Variants in PPM1L observed in about 807,000 individuals in gnomAD.
The protein encoded by PPM1L is protein phosphatase 1L.
In PPM1L, 13 loss-of-function variants were observed where a neutral mutation model predicts 31.4. The ratio of observed to expected loss-of-function variants is 0.41; its 90% CI spans 0.27 to 0.66. The LOEUF is 0.66. Among genes scored for constraint, PPM1L ranks in the 30% least tolerant of loss-of-function variants. The pLI is 0.29. For synonymous variants in PPM1L, 184 were observed against 175.4 expected (o/e 1.05, Z -0.39); for missense variants, 326 against 453.7 (o/e 0.72, Z 2.56).
At chr3:160,962,439 CAT>C (rs1442859684) in intron 2 of PPM1L, among the ~76,000 whole-genome samples, 1 of 152,092 alleles carries the variant, frequency 6.6e-6, no homozygotes, top group Admixed American at 6.5e-5. Context: ...CTCCTTATAA[CAT>C]TATTTTAATC....
chr3:160,843,371 C>T (rs895396300), intron 1 of PPM1L, among the ~76,000 whole-genome samples: 21 of 134,020 alleles, frequency 1.6e-4, no homozygotes, highest in African/African-American at 4.4e-4. Flanking sequence ...AACAAAAATT[C>T]GTAAACTTTC....
At chr3:160,843,788 C>A (rs985708283) in intron 1 of PPM1L, among the ~76,000 whole-genome samples, 1 of 151,896 alleles carries the variant, frequency 6.6e-6, no homozygotes, top group Non-Finnish European at 1.5e-5. Flanking sequence ...TGGGTATATA[C>A]CCAAAGGATT....
chr3:161,001,221 A>C (rs1484686238), intron 2 of PPM1L, among the ~76,000 whole-genome samples: 1 of 152,188 alleles, frequency 6.6e-6, no homozygotes, highest in African/African-American at 2.4e-5. Flanking sequence ...AAAACAAAAA[A>C]CAAAAACAAC....
chr3:160,774,114 C>G (rs1040007240), intron 1 of PPM1L, among the ~76,000 whole-genome samples: 2 of 152,166 alleles, frequency 1.3e-5, no homozygotes, highest in Admixed American at 6.5e-5. Flanking sequence ...AACAACCTGC[C>G]TGAAACCAAA....
rs561265559 is a variant in PPM1L at position 160,972,514 on chromosome 3, A to G, written c.574+10604A>G. On this transcript the variant is annotated intron_variant, in intron 2 of 3. Transcript: ENST00000498165. ...GGTTTCCAGCTTCATCCATGTCCCT[A>G]CAAAGGACATGAACTCATCATTTTT... Among the ~76,000 whole-genome samples, 202 of 152,168 alleles carry G rather than the reference A, an allele frequency of 1.3e-3. 3 individuals are homozygous for G. Among genetic ancestry groups the G allele is most frequent in the Non-Finnish European group, 1.6e-4 (11 of 68,008 alleles).
In PPM1L at chr3:160,918,792, C is replaced by A. The variant is rs116015478; in HGVS notation, c.400-42944C>A. 4.6e-3 allele frequency among the ~76,000 whole-genome samples: 693 copies of A among 152,000 alleles called. 3 individuals carry two copies. Among genetic ancestry groups the A allele is most frequent in the African/African-American group, 0.016 (663 of 41,448 alleles). On this transcript the variant is annotated intron_variant, in intron 1 of 3. Coordinates refer to ENST00000498165, the MANE Select transcript of PPM1L (RefSeq NM_139245.4). ...ATGGATCTAGTAACTAATAAAATACCCTTGCCTGGAATAATTTAAATCCAG... is the reference window on the plus strand; with the variant it reads ...ATGGATCTAGTAACTAATAAAATACACTTGCCTGGAATAATTTAAATCCAG...
In PPM1L at chr3:161,031,502, C is replaced by CTTTTTTTTTTTTTTTTTTTTTTT. The variant is rs760907219; in HGVS notation, c.575-33885_575-33884insTTTTTTTTTTTTTTTTTTTTTTT. Among the ~76,000 whole-genome samples the CTTTTTTTTTTTTTTTTTTTTTTT allele has an allele frequency of 1.1e-4, 11 of 101,666 alleles. 3 individuals are homozygous for CTTTTTTTTTTTTTTTTTTTTTTT. The highest frequency in any genetic ancestry group is 2.3e-4 in the Admixed American group (2 of 8,678). The allele number at this position is 101,666 out of a possible 152,430, so 66.7% of individuals were successfully genotyped here. A position where few individuals can be genotyped will look rare whatever the true frequency, so the allele number is the denominator to read the frequency against. On this transcript the variant is annotated intron_variant, in intron 2 of 3. Transcript: ENST00000498165. ...GTGAATGGCAGCTATGTATTCTGTC[C>CTTTTTTTTTTTTTTTTTTTTTTT]TTTTTTTTTTTTTTTTGAGAGAGAG...
intron 1 of PPM1L, among the ~76,000 whole-genome samples, chr3:160,758,217 AAATT>A (rs1343424267): frequency 6.6e-6 from 1 of 152,172 alleles, no homozygotes; most frequent in Non-Finnish European, 1.5e-5. Flanking sequence ...GAAAGATATA[AAATT>A]AATTGAGGGA....
intron 1 of PPM1L, among the ~76,000 whole-genome samples, chr3:160,866,987 A>T (rs1260271637): frequency 6.6e-6 from 1 of 152,150 alleles, no homozygotes; most frequent in South Asian, 2.1e-4. Flanking sequence ...GACCATAGGC[A>T]TGTGCCACCA....
intron 1 of PPM1L, among the ~76,000 whole-genome samples, chr3:160,813,813 C>G (rs940761877): frequency 6.6e-6 from 1 of 152,072 alleles, no homozygotes; most frequent in Non-Finnish European, 1.5e-5. Context: ...CTCTGATAAC[C>G]CTTGCCTCAG....
chr3:160,908,665 A>G (rs1447971920), intron 1 of PPM1L, among the ~76,000 whole-genome samples: 1 of 152,230 alleles, frequency 6.6e-6, no homozygotes, highest in Non-Finnish European at 1.5e-5. Context: ...GTGTAGGCGT[A>G]TGGTGATTAC....
intron 2 of PPM1L, among the ~76,000 whole-genome samples, chr3:161,024,264 C>CAAA (rs34662106): frequency 3.2e-5 from 3 of 92,514 alleles, no homozygotes; most frequent in Non-Finnish European, 4.7e-5. Context: ...GACTCCGTCT[C>CAAA]AAAAAAAAAA....
chr3:160,998,011 A>G (rs1717378783), intron 2 of PPM1L, among the ~76,000 whole-genome samples: 1 of 152,196 alleles, frequency 6.6e-6, no homozygotes, highest in South Asian at 2.1e-4. Context: ...TCAGAAGAGC[A>G]TATCACAGAA....
At chr3:160,988,462 CCA>C (rs887301770) in intron 2 of PPM1L, among the ~76,000 whole-genome samples, 2 of 152,070 alleles carry the variant, frequency 1.3e-5, no homozygotes, top group African/African-American at 2.4e-5. Context: ...TCTGTCAGCC[CCA>C]GTCAATAATT....
chr3:160,807,432 A>C (rs529456391), intron 1 of PPM1L, among the ~76,000 whole-genome samples: 70 of 152,330 alleles, frequency 4.6e-4, no homozygotes, highest in Non-Finnish European at 8.5e-4. Flanking sequence ...TTAAATTTCA[A>C]GTGGATTATT....
intron 1 of PPM1L, among the ~76,000 whole-genome samples, chr3:160,803,857 A>G (rs879875409): frequency 4.8e-4 from 73 of 152,164 alleles, no homozygotes; most frequent in Non-Finnish European, 9.3e-4. Context: ...GTAGTATTTA[A>G]TCTTTAAAAA....
chr3:161,055,899 C>T (rs1719396554), intron 2 of PPM1L, among the ~76,000 whole-genome samples: 1 of 152,088 alleles, frequency 6.6e-6, no homozygotes. Context: ...GGTGAGTGTC[C>T]ATGTGCATTA....
chr3:160,885,889 T>C (rs1014619471), intron 1 of PPM1L, among the ~76,000 whole-genome samples: 1 of 152,164 alleles, frequency 6.6e-6, no homozygotes, highest in Admixed American at 6.5e-5. Flanking sequence ...GTAAGCCATG[T>C]GAGCTCCTTG....
chr3:160,856,246 A>G (rs943642411), intron 1 of PPM1L, among the ~76,000 whole-genome samples: 1 of 152,118 alleles, frequency 6.6e-6, no homozygotes, highest in East Asian at 1.9e-4. Flanking sequence ...TCACAGGCAC[A>G]CCCAGGAACA....
Sources: gnomAD v4.1 joint callset for allele counts (sites outside exome capture counted in the v4.1 genomes callset) on GRCh38, gnomAD v4.1.1 for gene constraint, MANE v1.5 for transcripts, NCBI Gene and HGNC (gene_info 2026-07-23, HGNC 2026-07-21) for gene names.